Variants in RYR3 observed in about 807,000 individuals in gnomAD.
RYR3 encodes ryanodine receptor 3.
In RYR3, 207 loss-of-function variants were observed where a neutral mutation model predicts 584.3. The observed-to-expected ratio is 0.35, with a 90% confidence interval of 0.32 to 0.40. The LOEUF (loss-of-function observed/expected upper bound fraction) is 0.40. Ranked by LOEUF, RYR3 falls within the 10% of genes least tolerant of loss-of-function variation. The pLI, the probability that RYR3 is intolerant of heterozygous loss-of-function variation, is 1.00. For synonymous variants in RYR3, 2,416 were observed against 2,248.5 expected, an observed-to-expected ratio of 1.07 and a Z score of -2.11; for missense variants, 5,616 against 6,089.2, an observed-to-expected ratio of 0.92 and a Z score of 2.59.
chr15:33,417,400 C>G (rs991152946), intron 1 of RYR3, among the ~76,000 whole-genome samples: 1 of 152,098 alleles, frequency 6.6e-6, no homozygotes, highest in African/African-American at 2.4e-5. Flanking sequence ...AAAGATCTTT[C>G]ACCTCCTTGA....
chr15:33,703,159 T>C (rs936068397), intron 42 of RYR3, among the ~76,000 whole-genome samples: 6 of 152,194 alleles, frequency 3.9e-5, no homozygotes, highest in African/African-American at 1.4e-4. Flanking sequence ...CAATAATTCG[T>C]TGACATTTTT....
intron 10 of RYR3, among the ~76,000 whole-genome samples, chr15:33,561,420 C>A (rs548458054): frequency 1.3e-5 from 2 of 152,178 alleles, no homozygotes; most frequent in South Asian, 2.1e-4. Flanking sequence ...AGCTGGACTT[C>A]CTGGTTTAAA....
intron 33 of RYR3, 97 bp from the exon 34 acceptor site, chr15:33,660,100 C>T (rs939900138): frequency 2.5e-6 from 2 of 786,258 alleles, no homozygotes; most frequent in Non-Finnish European, 4.2e-6. Flanking sequence ...TACATTTGTC[C>T]CTCTTTAATT....
intron 1 of RYR3, among the ~76,000 whole-genome samples, chr15:33,404,206 T>C (rs1409870480): frequency 5.3e-5 from 8 of 152,226 alleles, no homozygotes. Context: ...TTAGCTTACC[T>C]TGATGACTAT....
At position 33,472,540 on chromosome 15, in the gene RYR3, T is replaced by C. The variant is rs1027841002; in HGVS notation, c.52-879T>C. Among the ~76,000 whole-genome samples, 3 of 152,152 alleles carry C rather than the reference T, an allele frequency of 2.0e-5. No individual in the cohort carries two copies. The East Asian group carries it at 5.8e-4, about 29-fold the overall frequency. The stretch of plus-strand genomic sequence containing the variant: ...AACTTAACCACACCTGGAAATCTGT[T>C]TGCTGCTTGAAATCCAAAGCTATGT... On this transcript the variant is annotated intron_variant, in intron 1 of 103. Coordinates refer to ENST00000634891, the MANE Select transcript of RYR3 (RefSeq NM_001036.6).
At position 33,821,149 on chromosome 15, in the gene RYR3, T is replaced by C. The variant is rs972944283; in HGVS notation, c.10816-121T>C. 19 of 726,128 alleles carry C rather than the reference T, an allele frequency of 2.6e-5. 1 individual carries two copies. The highest frequency in any genetic ancestry group is 4.5e-5 in the Non-Finnish European group (19 of 423,894). 45.0% of individuals were successfully genotyped at this position (726,128 alleles called of 1,614,324 possible). ...AAATAAACTTCAGAAGTCTGCTTTA[T>C]CCAAGTTGATGTGTGTTACCTTCCT... On this transcript the variant is annotated intron_variant, in intron 78 of 103. Coordinates refer to ENST00000634891, the MANE Select transcript of RYR3 (RefSeq NM_001036.6).
chr15:33,423,655 AG>A lies in RYR3; in HGVS notation c.52-49762del, dbSNP rs113740618. On this transcript the variant is annotated intron_variant, in intron 1 of 103. Coordinates refer to ENST00000634891, the MANE Select transcript of RYR3 (RefSeq NM_001036.6). ...TCTTTATCAACATTTATTATTTTCC[AG>A]GTTTTTTTTTTAATATTGTCATAGC... 1.3e-3 allele frequency among the ~76,000 whole-genome samples: 170 copies of A among 133,202 alleles called. 1 individual carries two copies. The highest frequency in any genetic ancestry group is 4.0e-3 in the African/African-American group (127 of 31,540). 87.4% of individuals were successfully genotyped at this position (133,202 alleles called of 152,430 possible).
At chr15:33,347,463 T>C (rs1972600360) in intron 1 of RYR3, among the ~76,000 whole-genome samples, 1 of 152,000 alleles carries the variant, frequency 6.6e-6, no homozygotes, top group Non-Finnish European at 1.5e-5. Context: ...TTTTTTTTTT[T>C]TGAGACGGAG....
intron 10 of RYR3, among the ~76,000 whole-genome samples, chr15:33,550,915 ATC>A (rs1213722580): frequency 6.6e-6 from 1 of 152,108 alleles, no homozygotes; most frequent in African/African-American, 2.4e-5. Flanking sequence ...TACTCCCCAC[ATC>A]TCTTAGTTTT....
At chr15:33,855,317 C>A (rs1057342211) in intron 98 of RYR3, among the ~76,000 whole-genome samples, 2 of 152,170 alleles carry the variant, frequency 1.3e-5, no homozygotes, top group African/African-American at 4.8e-5. Context: ...AATTCTCCTG[C>A]CTCAGCCTCC....
intron 85 of RYR3, among the ~76,000 whole-genome samples, chr15:33,829,405 C>T (rs974308208): frequency 6.6e-6 from 1 of 151,920 alleles, no homozygotes; most frequent in Non-Finnish European, 1.5e-5. Flanking sequence ...GATCTGGGCA[C>T]GGTAAGTTGA....
intron 36 of RYR3, among the ~76,000 whole-genome samples, chr15:33,668,861 T>C (rs7170367): frequency 0.79 from 120,182 of 152,160 alleles, 49,194 homozygotes; most frequent in East Asian, 0.92. Context: ...TCAAACCAGC[T>C]TTATAAGGAC....
Position 33,788,570 on chromosome 15 carries a change from T to C in RYR3, c.9830+112T>C, listed in dbSNP as rs191766802. ...GTTAACAGTGAGATAAAGGAGGCGATAGCCGCCCCCACCATTCTCCTTCCC... is the reference window on the plus strand; with the variant it reads ...GTTAACAGTGAGATAAAGGAGGCGACAGCCGCCCCCACCATTCTCCTTCCC... On this transcript the variant is annotated intron_variant, in intron 67 of 103. Coordinates refer to ENST00000634891, the MANE Select transcript of RYR3 (RefSeq NM_001036.6). 8 of 1,196,924 alleles carry C rather than the reference T, an allele frequency of 6.7e-6. No homozygotes were observed. In the African/African-American group the frequency reaches 1.2e-4, roughly 18 times the overall value. The allele number at this position is 1,196,924 out of a possible 1,614,324, so 74.1% of individuals were successfully genotyped here. A position where few individuals can be genotyped will look rare whatever the true frequency, so the allele number is the denominator to read the frequency against.
At chr15:33,744,829 T>G (rs1462269069) in intron 52 of RYR3, among the ~76,000 whole-genome samples, 2 of 152,182 alleles carry the variant, frequency 1.3e-5, no homozygotes, top group African/African-American at 4.8e-5. Context: ...CATGATCACC[T>G]TTTTAGGTTT....
intron 1 of RYR3, among the ~76,000 whole-genome samples, chr15:33,314,602 C>T (rs1029072202): frequency 6.6e-6 from 1 of 152,210 alleles, no homozygotes; most frequent in African/African-American, 2.4e-5. Context: ...AACTGCCTTT[C>T]CACCACAATG....
intron 30 of RYR3, 55 bp from the exon 31 acceptor site, chr15:33,649,017 C>A (rs913699206): frequency 1.3e-6 from 2 of 1,547,694 alleles, no homozygotes; most frequent in African/African-American, 1.4e-5. Context: ...GGCCCCCTAT[C>A]TTCAACTGGA....
chr15:33,318,703 G>C (rs973375589), intron 1 of RYR3, among the ~76,000 whole-genome samples: 1 of 152,198 alleles, frequency 6.6e-6, no homozygotes, highest in Non-Finnish European at 1.5e-5. Flanking sequence ...CTGGGAGAAA[G>C]TGGCCAACCT....
chr15:33,741,436 C>T (rs952856776), intron 51 of RYR3, among the ~76,000 whole-genome samples: 1 of 152,092 alleles, frequency 6.6e-6, no homozygotes, highest in South Asian at 2.1e-4. Flanking sequence ...GTCTGATTTG[C>T]CCAGTCATAT....
At chr15:33,421,793 T>C (rs1214779229) in intron 1 of RYR3, among the ~76,000 whole-genome samples, 1 of 152,198 alleles carries the variant, frequency 6.6e-6, no homozygotes, top group Non-Finnish European at 1.5e-5. Flanking sequence ...TTTATATCAG[T>C]TCCATCTGTT....
Sources: gnomAD v4.1 joint callset for allele counts (sites outside exome capture counted in the v4.1 genomes callset) on GRCh38, gnomAD v4.1.1 for gene constraint, MANE v1.5 for transcripts, NCBI Gene and HGNC (gene_info 2026-07-23, HGNC 2026-07-21) for gene names.